ANO4: variants seen among roughly 807,000 people sequenced by gnomAD.
The protein encoded by ANO4 is anoctamin 4, also known as anoctamin-4.
A neutral mutation model predicts 141.9 loss-of-function variants in ANO4; 69 were observed. The observed-to-expected ratio is 0.49, with a 90% CI of 0.40 to 0.59. ANO4 has a LOEUF of 0.59. ANO4 is among the 20% of genes least tolerant of loss of function. The pLI is 0.00. For missense variants in ANO4, 894 were observed against 1,162.2 expected (o/e 0.77, Z 3.36); for synonymous variants, 350 against 394.3 (o/e 0.89, Z 1.33).
intron 14 of ANO4, among the ~76,000 whole-genome samples, chr12:101,076,914 A>G (rs1037669251): frequency 6.6e-6 from 1 of 152,176 alleles, no homozygotes; most frequent in Non-Finnish European, 1.5e-5. Flanking sequence ...GGTGAGGCAG[A>G]GGGCAAGCGT....
At chr12:101,062,274 A>AC (rs2048378337) in intron 14 of ANO4, among the ~76,000 whole-genome samples, 1 of 151,862 alleles carries the variant, frequency 6.6e-6, no homozygotes, top group South Asian at 2.1e-4. Context: ...CCAGAGGGGC[A>AC]CCCCCCAAAT....
chr12:100,877,760 A>T (rs568331080), intron 1 of ANO4, among the ~76,000 whole-genome samples: 28 of 152,236 alleles, frequency 1.8e-4, no homozygotes, highest in African/African-American at 6.7e-4. Context: ...GTAGAGGGAT[A>T]GTTGAGTTTA....
chr12:101,084,802 C>T (rs548804250), intron 16 of ANO4, among the ~76,000 whole-genome samples: 1 of 152,282 alleles, frequency 6.6e-6, no homozygotes, highest in East Asian at 1.9e-4. Flanking sequence ...TAAGCTTTTC[C>T]TGTTCTATGG....
At chr12:100,742,494 AC>A (rs1333883755) in intron 3 of ANO4, among the ~76,000 whole-genome samples, 3 of 152,162 alleles carry the variant, frequency 2.0e-5, no homozygotes, top group African/African-American at 4.8e-5. Flanking sequence ...ATACTAGGAT[AC>A]CCTACAAATT....
chr12:100,955,818 A>T (rs2043152971), intron 5 of ANO4, among the ~76,000 whole-genome samples: 1 of 152,174 alleles, frequency 6.6e-6, no homozygotes. Context: ...ACCAAGTCAG[A>T]AAGTAGAAGG....
At chr12:100,924,129 G>A (rs994213581) in intron 3 of ANO4, among the ~76,000 whole-genome samples, 1 of 152,068 alleles carries the variant, frequency 6.6e-6, no homozygotes, top group Non-Finnish European at 1.5e-5. Flanking sequence ...CTGTGCAGAA[G>A]CTCTTTAGTT....
rs116481711 is a variant in ANO4, at chr12:100,899,060, G to T, written c.-140-2586G>T. Among the ~76,000 whole-genome samples the T allele has an allele frequency of 7.7e-3, 1,167 of 152,240 alleles. 14 individuals are homozygous for T. The highest frequency in any genetic ancestry group is 0.027 in the African/African-American group (1,101 of 41,544). Reference sequence around the variant, plus strand: ...ATGTGTGGTTGATGCTGTGGTGTCTGTCCTACTTATAGAGAGAGACCTCTG... The same window carrying T: ...ATGTGTGGTTGATGCTGTGGTGTCTTTCCTACTTATAGAGAGAGACCTCTG... On this transcript the variant is annotated intron_variant, in intron 1 of 27. Transcript: ENST00000392977.
intron 17 of ANO4, 21 bp downstream of exon 17, chr12:101,086,845 A>G (rs1196584353): frequency 1.9e-6 from 3 of 1,608,792 alleles, no homozygotes; most frequent in African/African-American, 2.7e-5. Context: ...TGCAGTGGCT[A>G]GCCAAACGGA....
At chr12:101,030,119 A>G (rs2046916636) in intron 9 of ANO4, among the ~76,000 whole-genome samples, 1 of 152,244 alleles carries the variant, frequency 6.6e-6, no homozygotes, top group South Asian at 2.1e-4. Context: ...TCAGCTCTGG[A>G]TCAAGTGGAC....
intron 8 of ANO4, among the ~76,000 whole-genome samples, chr12:101,008,495 C>T (rs986683538): frequency 6.6e-6 from 1 of 152,108 alleles, no homozygotes; most frequent in African/African-American, 2.4e-5. Context: ...CTATTCTTAT[C>T]CTTTCAACGT....
intron 1 of ANO4, chr12:100,852,373 C>T (rs896489019): frequency 1.3e-5 from 2 of 152,152 alleles, no homozygotes; most frequent in African/African-American, 2.4e-5. Context: ...CACAGGAAAC[C>T]TGGAGGAAGA....
chr12:100,988,888 AG>A (rs566961303), intron 8 of ANO4, among the ~76,000 whole-genome samples: 26,451 of 99,802 alleles, frequency 0.27, 4,785 homozygotes, highest in Non-Finnish European at 0.33. Flanking sequence ...AAAAAAAAAA[AG>A]AAAGAAAAAC....
At chr12:100,950,092 T>C (rs1472337148) in intron 5 of ANO4, among the ~76,000 whole-genome samples, 1 of 152,086 alleles carries the variant, frequency 6.6e-6, no homozygotes, top group African/African-American at 2.4e-5. Flanking sequence ...CATCCAGAAC[T>C]CCGAGGATAC....
intron 3 of ANO4, among the ~76,000 whole-genome samples, chr12:100,780,196 T>G (rs569175866): frequency 5.5e-4 from 84 of 152,220 alleles, no homozygotes; most frequent in African/African-American, 1.9e-3. Context: ...TTAAAATTTC[T>G]TAGACAGATG....
intron 8 of ANO4, among the ~76,000 whole-genome samples, chr12:101,004,666 C>T (rs2045798895): frequency 1.3e-5 from 2 of 152,086 alleles, no homozygotes. Context: ...CAGCACACTC[C>T]CTAATACCTG....
intron 1 of ANO4, among the ~76,000 whole-genome samples, chr12:100,894,806 A>T (rs577441303): frequency 1.3e-5 from 2 of 151,946 alleles, no homozygotes; most frequent in East Asian, 3.9e-4. Context: ...CTCTACTAAA[A>T]ATACAAAAAA....
At chr12:100,863,001 G>T (rs1391867709) in intron 1 of ANO4, among the ~76,000 whole-genome samples, 1 of 152,176 alleles carries the variant, frequency 6.6e-6, no homozygotes, top group Non-Finnish European at 1.5e-5. Context: ...TAACTGATAA[G>T]GTGTTAGGTA....
intron 3 of ANO4, among the ~76,000 whole-genome samples, chr12:100,785,130 TAC>T (rs956775171): frequency 2.2e-4 from 34 of 152,310 alleles, no homozygotes; most frequent in African/African-American, 7.7e-4. Context: ...GAGATGAATG[TAC>T]AGAGATTTCC....
chr12:100,984,165 C>T (rs112431363), intron 7 of ANO4, among the ~76,000 whole-genome samples: 3,223 of 152,176 alleles, frequency 0.021, 121 homozygotes, highest in African/African-American at 0.074. Flanking sequence ...GGTGCGATCT[C>T]GGCTCACTGC....
Sources: allele counts gnomAD v4.1 joint callset (sites outside exome capture counted in the v4.1 genomes callset), GRCh38; gene constraint gnomAD v4.1.1; transcripts MANE v1.5; gene names NCBI Gene and HGNC (gene_info 2026-07-23, HGNC 2026-07-21).